Variants in THRB observed in about 807,000 individuals in gnomAD.
THRB encodes thyroid hormone receptor beta.
THRB carries 12 observed loss-of-function variants against 47.8 expected under a neutral mutation model. The observed-to-expected ratio is 0.25, with a 90% confidence interval of 0.16 to 0.41. The LOEUF (loss-of-function observed/expected upper bound fraction) is 0.41. Among genes scored for constraint, THRB ranks in the 10% least tolerant of loss-of-function variants. The probability of loss-of-function intolerance (pLI) is 1.00; values close to 1 mark genes in which losing one functional copy is unlikely to be tolerated. For missense variants in THRB, 348 were observed against 589.2 expected, an observed-to-expected ratio of 0.59 and a Z score of 4.24; for synonymous variants, 218 against 212.2, an observed-to-expected ratio of 1.03 and a Z score of -0.24.
chr3:24,380,350 C>T (rs897291673), intron 1 of THRB, among the ~76,000 whole-genome samples: 2 of 151,878 alleles, frequency 1.3e-5, no homozygotes, highest in Non-Finnish European at 2.9e-5. Flanking sequence ...TTTGGTGCCT[C>T]CTTAACCCTC....
At chr3:24,460,214 A>C (rs1176797419) in intron 1 of THRB, among the ~76,000 whole-genome samples, 1 of 152,206 alleles carries the variant, frequency 6.6e-6, no homozygotes, top group African/African-American at 2.4e-5. Flanking sequence ...AGGCTTATCT[A>C]TCCGAGATGT....
intron 1 of THRB, among the ~76,000 whole-genome samples, chr3:24,376,543 C>A (rs541421910): frequency 6.6e-6 from 1 of 152,084 alleles, no homozygotes; most frequent in Non-Finnish European, 1.5e-5. Context: ...ATTCTGTGAG[C>A]AGAAAAGGGT....
At chr3:24,225,196 A>G (rs1208086631) in intron 4 of THRB, among the ~76,000 whole-genome samples, 7 of 152,190 alleles carry the variant, frequency 4.6e-5, no homozygotes, top group South Asian at 4.1e-4. Context: ...TGCTTAACAC[A>G]TGAGCCCTCC....
intron 1 of THRB, among the ~76,000 whole-genome samples, chr3:24,482,036 A>G (rs1057300304): frequency 6.6e-6 from 1 of 152,106 alleles, no homozygotes; most frequent in Non-Finnish European, 1.5e-5. Flanking sequence ...CAATAAACAG[A>G]CAGTAACAAT....
intron 3 of THRB, among the ~76,000 whole-genome samples, chr3:24,294,626 T>C (rs563544038): frequency 4.6e-5 from 7 of 152,152 alleles, no homozygotes; most frequent in Non-Finnish European, 7.4e-5. Flanking sequence ...GAGAGGTGAC[T>C]CTGAGCGGAC....
chr3:24,198,842 T>C (rs186768057), intron 4 of THRB, among the ~76,000 whole-genome samples: 28 of 152,220 alleles, frequency 1.8e-4, no homozygotes, highest in Non-Finnish European at 2.9e-4. Flanking sequence ...ATTCTGGTCA[T>C]TGTTAGACTC....
At chr3:24,347,151 T>G (rs1201276742) in intron 1 of THRB, among the ~76,000 whole-genome samples, 1 of 151,886 alleles carries the variant, frequency 6.6e-6, no homozygotes, top group Non-Finnish European at 1.5e-5. Context: ...AACCCATGGG[T>G]CAAAGATTAA....
chr3:24,205,294 T>C (rs904481174), intron 4 of THRB, among the ~76,000 whole-genome samples: 3 of 152,160 alleles, frequency 2.0e-5, no homozygotes, highest in East Asian at 1.9e-4. Context: ...ATCAGACTAA[T>C]AGCAGATCTC....
chr3:24,424,018 G>T (rs1353978205), intron 1 of THRB, among the ~76,000 whole-genome samples: 1 of 151,868 alleles, frequency 6.6e-6, no homozygotes, highest in Non-Finnish European at 1.5e-5. Flanking sequence ...AGCATTTATA[G>T]TTCAGTTAAC....
intron 1 of THRB, among the ~76,000 whole-genome samples, chr3:24,402,827 A>G (rs1185178929): frequency 6.6e-6 from 1 of 151,998 alleles, no homozygotes; most frequent in Non-Finnish European, 1.5e-5. Flanking sequence ...GAAGTATTTG[A>G]TACGCACTGC....
chr3:24,327,506 T>C (rs1463475176), intron 2 of THRB, among the ~76,000 whole-genome samples: 1 of 152,174 alleles, frequency 6.6e-6, no homozygotes, highest in Admixed American at 6.5e-5. Flanking sequence ...ATAAAAGCAA[T>C]TAATATTCAC....
intron 2 of THRB, among the ~76,000 whole-genome samples, chr3:24,326,399 C>T (rs956709429): frequency 1.3e-5 from 2 of 152,064 alleles, no homozygotes; most frequent in Non-Finnish European, 2.9e-5. Flanking sequence ...CCATGCCTGG[C>T]TAATTTTCAT....
At chr3:24,334,103 T>C (rs1013381531) in intron 2 of THRB, among the ~76,000 whole-genome samples, 1 of 152,160 alleles carries the variant, frequency 6.6e-6, no homozygotes, top group Non-Finnish European at 1.5e-5. Context: ...AAATATACAA[T>C]AACAAAATTC....
chr3:24,434,216 T>C (rs1006655424), intron 1 of THRB, among the ~76,000 whole-genome samples: 3 of 152,172 alleles, frequency 2.0e-5, no homozygotes, highest in Non-Finnish European at 2.9e-5. Context: ...TATTCGGTGT[T>C]TTACAAATGA....
intron 5 of THRB, among the ~76,000 whole-genome samples, chr3:24,178,547 T>C (rs931625000): frequency 3.3e-5 from 5 of 152,168 alleles, no homozygotes; most frequent in Non-Finnish European, 7.4e-5. Context: ...TCCAAAATAA[T>C]AATCAGCCTG....
At chr3:24,336,295 C>G (rs9829123) in intron 2 of THRB, among the ~76,000 whole-genome samples, 1 of 152,132 alleles carries the variant, frequency 6.6e-6, no homozygotes, top group Non-Finnish European at 1.5e-5. Flanking sequence ...CCAACCCAGG[C>G]GCCTCGACAA....
At chr3:24,483,548 C>G (rs1188336270) in intron 1 of THRB, among the ~76,000 whole-genome samples, 1 of 150,476 alleles carries the variant, frequency 6.6e-6, no homozygotes, top group Non-Finnish European at 1.5e-5. Flanking sequence ...TATGAGGATT[C>G]ATCAGCAAGT....
intron 3 of THRB, among the ~76,000 whole-genome samples, chr3:24,270,671 C>T (rs1458322069): frequency 6.6e-6 from 1 of 152,170 alleles, no homozygotes; most frequent in African/African-American, 2.4e-5. Context: ...TTAAATCAGA[C>T]AGTGTCCTGG....
chr3:24,382,662 C>G (rs1270215334), intron 1 of THRB, among the ~76,000 whole-genome samples: 3 of 152,026 alleles, frequency 2.0e-5, no homozygotes, highest in African/African-American at 7.2e-5. Context: ...GATTAAGAAA[C>G]AGAAAAACAG....
Sources: gnomAD v4.1 joint callset for allele counts (sites outside exome capture counted in the v4.1 genomes callset) on GRCh38, gnomAD v4.1.1 for gene constraint, MANE v1.5 for transcripts, NCBI Gene and HGNC (gene_info 2026-07-23, HGNC 2026-07-21) for gene names.